SMIM14: variants seen among roughly 807,000 people sequenced by gnomAD.
SMIM14 encodes chromosome 4 open reading frame 34.
Under a neutral mutation model 12.6 loss-of-function variants are expected in SMIM14, and 5 were observed. The ratio of observed to expected loss-of-function variants is 0.40; its 90% CI spans 0.21 to 0.83. The LOEUF is 0.83. Among genes scored for constraint, SMIM14 ranks in the 40% least tolerant of loss-of-function variants. The pLI is 0.37. For missense variants in SMIM14, 86 were observed against 119.1 expected, an observed-to-expected ratio of 0.72 and a Z score of 1.29; for synonymous variants, 30 against 40.1, an observed-to-expected ratio of 0.75 and a Z score of 0.95.
Position 39,549,667 on chromosome 4 carries a change from A to ATTGT in SMIM14, c.*2455_*2458dup. ...ATTGGCCTAACAGCTCAGAGAACAG[A>ATTGT]TTGTTAGGATATATGGGCAAGCCTT... is the stretch of plus-strand genomic sequence containing the variant. On this transcript the variant is annotated 3_prime_UTR_variant, in exon 5 of 5. Transcript: ENST00000295958. The ATTGT allele has an allele frequency of 6.6e-6, 1 of 152,288 alleles. No individual in the cohort carries two copies. Among genetic ancestry groups the ATTGT allele is most frequent in the South Asian group, 2.1e-4 (1 of 4,830 alleles). 9.4% of individuals were successfully genotyped at this position (152,288 alleles called of 1,614,324 possible). A position where few individuals can be genotyped will look rare whatever the true frequency, so the allele number is the denominator to read the frequency against.
intron 1 of SMIM14, among the ~76,000 whole-genome samples, chr4:39,624,243 G>T (rs1715608058): frequency 6.6e-6 from 1 of 152,142 alleles, no homozygotes; most frequent in South Asian, 2.1e-4. Context: ...ATGTTCTAAT[G>T]TAGCTTTACT....
intron 1 of SMIM14, among the ~76,000 whole-genome samples, chr4:39,608,299 A>G (rs1188207324): frequency 1.3e-5 from 2 of 152,210 alleles, no homozygotes; most frequent in Non-Finnish European, 2.9e-5. Flanking sequence ...CTGTATTTAT[A>G]AACAACAACA....
intron 2 of SMIM14, among the ~76,000 whole-genome samples, chr4:39,598,590 T>C (rs1026884519): frequency 2.0e-5 from 3 of 152,214 alleles, no homozygotes; most frequent in African/African-American, 7.2e-5. Context: ...TAAAGTTGTT[T>C]AGTTCAGTAC....
chr4:39,618,038 TAG>T (rs945730467), intron 1 of SMIM14, among the ~76,000 whole-genome samples: 8 of 152,006 alleles, frequency 5.3e-5, no homozygotes, highest in African/African-American at 1.9e-4. Context: ...GAAAAAATGG[TAG>T]AGAGAGGAGA....
At chr4:39,590,630 C>T (rs796173626) in intron 2 of SMIM14, among the ~76,000 whole-genome samples, 6 of 151,366 alleles carry the variant, frequency 4.0e-5, no homozygotes, top group African/African-American at 1.5e-4. Context: ...GGCGAAACCC[C>T]GTCTCTACTA....
At chr4:39,609,256 A>C (rs1172120419) in intron 1 of SMIM14, among the ~76,000 whole-genome samples, 3 of 152,176 alleles carry the variant, frequency 2.0e-5, no homozygotes, top group Non-Finnish European at 2.9e-5. Flanking sequence ...CTGGGATTAG[A>C]GGCATAAGCC....
chr4:39,611,958 C>G (rs1715051731), intron 1 of SMIM14: 1 of 152,018 alleles, frequency 6.6e-6, no homozygotes, highest in Non-Finnish European at 1.5e-5. Flanking sequence ...CCTTCTAGAT[C>G]TGCTTGCCTG....
chr4:39,581,410 A>G (rs1713483579), intron 2 of SMIM14, among the ~76,000 whole-genome samples: 2 of 152,144 alleles, frequency 1.3e-5, no homozygotes, highest in South Asian at 4.1e-4. Context: ...CTTAATTATC[A>G]TAACTTCTTA....
rs1276189563 is a variant in SMIM14, at chr4:39,549,336, G to GT, written c.*2789dup. ...GTCTCACTCTGTCACTCAAGCTGGA[G>GT]TGCAGTGGCGTGATCTTGGCTTACT... On this transcript the variant is annotated 3_prime_UTR_variant, in exon 5 of 5. Coordinates refer to ENST00000295958, the MANE Select transcript of SMIM14 (RefSeq NM_174921.3). 1 of 152,078 alleles carries GT rather than the reference G, an allele frequency of 6.6e-6. No homozygotes were observed. 9.4% of individuals were successfully genotyped at this position (152,078 alleles called of 1,614,324 possible). A position where few individuals can be genotyped will look rare whatever the true frequency, so the allele number is the denominator to read the frequency against.
intron 3 of SMIM14, among the ~76,000 whole-genome samples, chr4:39,569,723 C>T (rs967214715): frequency 6.7e-6 from 1 of 149,284 alleles, no homozygotes; most frequent in South Asian, 2.1e-4. Flanking sequence ...GGCGACAAAG[C>T]GAGACTCTGT....
At chr4:39,584,407 G>C (rs948866830) in intron 2 of SMIM14, among the ~76,000 whole-genome samples, 10 of 146,044 alleles carry the variant, frequency 6.8e-5, no homozygotes, top group Non-Finnish European at 1.5e-4. Flanking sequence ...GCTTGAACCT[G>C]GGAGGTGGAG....
chr4:39,620,064 G>A (rs758389818), intron 1 of SMIM14, among the ~76,000 whole-genome samples: 6 of 150,800 alleles, frequency 4.0e-5, no homozygotes, highest in Admixed American at 6.6e-5. Flanking sequence ...ATTTTTGCTG[G>A]GCATGGTAGC....
Position 39,549,859 on chromosome 4 carries a change from G to A in SMIM14, c.*2267C>T, listed in dbSNP as rs1711579196. 6.6e-6 allele frequency: 1 copy of A among 152,170 alleles called. No individual in the cohort carries two copies. The highest frequency in any genetic ancestry group is 2.1e-4 in the South Asian group (1 of 4,832). The allele number at this position is 152,170 out of a possible 1,614,324, so 9.4% of individuals were successfully genotyped here. On this transcript the variant is annotated 3_prime_UTR_variant, in exon 5 of 5. Transcript: ENST00000295958. ...TTATTCTGTGGGGCTCATTTATCCA[G>A]GATTTAACTTACCTGTGTCATGTTA...
At chr4:39,626,444 A>G (rs1297753446) in intron 1 of SMIM14, among the ~76,000 whole-genome samples, 1 of 152,212 alleles carries the variant, frequency 6.6e-6, no homozygotes, top group Non-Finnish European at 1.5e-5. Context: ...TGAAAGCTTC[A>G]GTAATTTGCC....
chr4:39,614,558 G>A (rs1715152228), intron 1 of SMIM14, among the ~76,000 whole-genome samples: 1 of 152,084 alleles, frequency 6.6e-6, no homozygotes, highest in African/African-American at 2.4e-5. Context: ...TCAACCTCAG[G>A]TGATCTGCCT....
intron 2 of SMIM14, among the ~76,000 whole-genome samples, chr4:39,580,943 A>G (rs1291030633): frequency 6.6e-6 from 1 of 152,172 alleles, no homozygotes. Flanking sequence ...ATAAAATATT[A>G]ATGTACATAA....
chr4:39,593,154 A>G (rs1008883955), intron 2 of SMIM14: 8 of 152,228 alleles, frequency 5.3e-5, no homozygotes, highest in African/African-American at 1.9e-4. Flanking sequence ...AAAATCCTCA[A>G]TAAAATACTG....
chr4:39,569,747 G>A (rs936882242), intron 3 of SMIM14, among the ~76,000 whole-genome samples: 7 of 148,780 alleles, frequency 4.7e-5, no homozygotes, highest in Admixed American at 1.3e-4. Flanking sequence ...AAAAAAAAAA[G>A]AAAAAAAGAA....
intron 2 of SMIM14, among the ~76,000 whole-genome samples, chr4:39,578,922 G>C (rs1278802224): frequency 6.6e-6 from 1 of 151,324 alleles, no homozygotes; most frequent in Non-Finnish European, 1.5e-5. Context: ...CTTGAACCTG[G>C]GGAAATGGAG....
Sources: gnomAD v4.1 joint callset for allele counts (sites outside exome capture counted in the v4.1 genomes callset) on GRCh38, gnomAD v4.1.1 for gene constraint, MANE v1.5 for transcripts, NCBI Gene and HGNC (gene_info 2026-07-23, HGNC 2026-07-21) for gene names.